The following MPPED1 variants were observed in gnomAD, a reference collection of about 807,000 sequenced individuals.
MPPED1 encodes metallophosphoesterase domain containing 1, also known as metallophosphoesterase domain-containing protein 1.
In MPPED1, 16 loss-of-function variants were observed where a neutral mutation model predicts 36.2. The observed-to-expected ratio is 0.44, with a 90% CI of 0.30 to 0.67. The LOEUF (loss-of-function observed/expected upper bound fraction) is 0.67. Among genes scored for constraint, MPPED1 ranks in the 30% least tolerant of loss-of-function variants. The probability of loss-of-function intolerance (pLI) is 0.10; values close to 1 mark genes in which losing one functional copy is unlikely to be tolerated. For missense variants in MPPED1, 307 were observed against 453.4 expected, an observed-to-expected ratio of 0.68 and a Z score of 2.93; for synonymous variants, 199 against 191.3, an observed-to-expected ratio of 1.04 and a Z score of -0.33.
intron 3 of MPPED1, among the ~76,000 whole-genome samples, chr22:43,468,507 G>A (rs1262042742): frequency 2.0e-5 from 3 of 152,188 alleles, no homozygotes; most frequent in Non-Finnish European, 2.9e-5. Flanking sequence ...ACCAGAGGCT[G>A]GTCATTGTTC....
intron 3 of MPPED1, among the ~76,000 whole-genome samples, chr22:43,460,932 G>A (rs1159305449): frequency 6.6e-6 from 1 of 152,160 alleles, no homozygotes; most frequent in Non-Finnish European, 1.5e-5. Context: ...TAAGTTTCTT[G>A]GTTGGCCTCT....
At chr22:43,500,163 A>G (rs893141940) in intron 5 of MPPED1, among the ~76,000 whole-genome samples, 52 of 31,540 alleles carry the variant, frequency 1.6e-3, no homozygotes, top group East Asian at 3.5e-3. Flanking sequence ...GGTGGTGGTG[A>G]TGGTGATGGA....
chr22:43,495,564 T>A (rs1309295476), intron 4 of MPPED1, among the ~76,000 whole-genome samples: 7 of 95,788 alleles, frequency 7.3e-5, no homozygotes, highest in Admixed American at 1.1e-4. Flanking sequence ...ATGGTGGTGG[T>A]GGAGGTGATG....
chr22:43,499,996 A>T (rs1201906770), intron 5 of MPPED1, among the ~76,000 whole-genome samples: 1 of 9,264 alleles, frequency 1.1e-4, no homozygotes. Flanking sequence ...ATGGTGATGG[A>T]GGTGGCGGTG....
chr22:43,505,838 G>C lies in MPPED1; in HGVS notation c.*222G>C, dbSNP rs896700652. The C allele has an allele frequency of 5.2e-5, 28 of 535,510 alleles. No individual in the cohort carries two copies. The highest frequency in any genetic ancestry group is 9.6e-4 in the Middle Eastern group (2 of 2,086). 33.2% of individuals were successfully genotyped at this position (535,510 alleles called of 1,614,324 possible). A position where few individuals can be genotyped will look rare whatever the true frequency, so the allele number is the denominator to read the frequency against. On this transcript the variant is annotated 3_prime_UTR_variant, in exon 7 of 7. Coordinates refer to ENST00000443721, the MANE Select transcript of MPPED1 (RefSeq NM_001044370.2). ...TTCTGTGCTCATTTACTTTTTCTGC[G>C]TGTACATCCTGCGTGTACCTCGTTA...
chr22:43,415,346 C>T (rs1027919813), intron 1 of MPPED1, among the ~76,000 whole-genome samples: 1 of 150,710 alleles, frequency 6.6e-6, no homozygotes, highest in African/African-American at 2.4e-5. Context: ...TAATTTGATT[C>T]ACCATGGTTC....
intron 2 of MPPED1, among the ~76,000 whole-genome samples, chr22:43,427,056 G>A (rs555320125): frequency 3.3e-5 from 5 of 152,290 alleles, no homozygotes; most frequent in South Asian, 2.1e-4. Context: ...TGAGGTCCCC[G>A]GAGGCCAGGC....
intron 3 of MPPED1, among the ~76,000 whole-genome samples, chr22:43,447,431 G>A (rs576651347): frequency 4.9e-4 from 74 of 152,116 alleles, no homozygotes; most frequent in African/African-American, 1.6e-3. Context: ...CTGTGTCCCC[G>A]CGTGCACATA....
chr22:43,467,396 C>T (rs1178709987), intron 3 of MPPED1, among the ~76,000 whole-genome samples: 1 of 152,242 alleles, frequency 6.6e-6, no homozygotes, highest in Admixed American at 6.5e-5. Flanking sequence ...TTGGCCCAGA[C>T]ATCTGACTCC....
intron 2 of MPPED1, among the ~76,000 whole-genome samples, chr22:43,431,629 C>T (rs1271667895): frequency 1.3e-5 from 2 of 152,204 alleles, no homozygotes; most frequent in African/African-American, 4.8e-5. Flanking sequence ...ATGGACAAGT[C>T]AGCCTTTTCT....
chr22:43,416,902 T>C (rs1287161585), intron 1 of MPPED1: 2 of 810,338 alleles, frequency 2.5e-6, no homozygotes, highest in African/African-American at 1.9e-5. Context: ...TTCTGTGCAA[T>C]GGGAATGGAG....
At chr22:43,423,995 C>T (rs945844366) in intron 1 of MPPED1, among the ~76,000 whole-genome samples, 2 of 152,108 alleles carry the variant, frequency 1.3e-5, no homozygotes, top group Non-Finnish European at 2.9e-5. Context: ...TAGGATGGGG[C>T]CTCACCTGGG....
chr22:43,498,101 G>A lies in MPPED1; in HGVS notation c.633-134G>A, dbSNP rs571347646. 9.6e-6 allele frequency: 6 copies of A among 623,482 alleles called. 1 individual carries two copies. In the Admixed American group the frequency reaches 1.8e-4, roughly 18 times the overall value. 38.6% of individuals were successfully genotyped at this position (623,482 alleles called of 1,614,324 possible). A position where few individuals can be genotyped will look rare whatever the true frequency, so the allele number is the denominator to read the frequency against. On this transcript the variant is annotated intron_variant, in intron 4 of 6. Transcript: ENST00000443721. ...CCTGGTGAGTCCCTGCCTTCCCTAG[G>A]TGGAGACCTTCCCTGGGTCTCCAGG...
chr22:43,421,590 G>C (rs1929277233), intron 1 of MPPED1, among the ~76,000 whole-genome samples: 1 of 152,212 alleles, frequency 6.6e-6, no homozygotes, highest in Admixed American at 6.5e-5. Context: ...TGGAGAGGGG[G>C]CAGTGACTCT....
chr22:43,500,286 A>ATGGTGGAGGTGGTGG (rs1345595018), intron 5 of MPPED1, among the ~76,000 whole-genome samples: 1 of 23,558 alleles, frequency 4.2e-5, no homozygotes, highest in Non-Finnish European at 9.2e-5. Context: ...GGCGGTGGTG[A>ATGGTGGAGGTGGTGG]TGGGGGTGGT....
chr22:43,473,026 C>T (rs1290694782), intron 3 of MPPED1, among the ~76,000 whole-genome samples: 1 of 152,248 alleles, frequency 6.6e-6, no homozygotes, highest in Non-Finnish European at 1.5e-5. Context: ...TTCCGAGTCT[C>T]AGCCCATATT....
At chr22:43,461,428 A>G (rs1272387368) in intron 3 of MPPED1, among the ~76,000 whole-genome samples, 3 of 152,182 alleles carry the variant, frequency 2.0e-5, no homozygotes, top group East Asian at 1.9e-4. Context: ...TCTTGCATCT[A>G]TGCTCCTCGG....
chr22:43,477,791 C>G (rs11912446), intron 4 of MPPED1, among the ~76,000 whole-genome samples: 10,711 of 152,244 alleles, frequency 0.07, 421 homozygotes, highest in Middle Eastern at 0.11. Context: ...GGAGGCTGTT[C>G]AAATTGGGAT....
chr22:43,503,715 G>A (rs1043886083), intron 6 of MPPED1, among the ~76,000 whole-genome samples: 1 of 152,198 alleles, frequency 6.6e-6, no homozygotes, highest in Non-Finnish European at 1.5e-5. Flanking sequence ...TCCTGGGAGA[G>A]ATGGGCAGCT....
Sources: allele counts gnomAD v4.1 joint callset (sites outside exome capture counted in the v4.1 genomes callset), GRCh38; gene constraint gnomAD v4.1.1; transcripts MANE v1.5; gene names NCBI Gene and HGNC (gene_info 2026-07-23, HGNC 2026-07-21).